The following EGFLAM variants were observed in gnomAD, a reference collection of about 807,000 sequenced individuals.
EGFLAM encodes the protein EGF like, fibronectin type III and laminin G domains.
Under a neutral mutation model 113.1 loss-of-function variants are expected in EGFLAM, and 79 were observed. That is an observed-to-expected ratio of 0.70 (90% confidence interval 0.58 to 0.84). The LOEUF is 0.84. EGFLAM is among the 40% of genes least tolerant of loss of function. The pLI is 0.00. For missense variants in EGFLAM, 1,265 were observed against 1,291.6 expected, an observed-to-expected ratio of 0.98 and a Z score of 0.32; for synonymous variants, 504 against 487.6, an observed-to-expected ratio of 1.03 and a Z score of -0.44.
chr5:38,359,402 C>T (rs577237814), intron 5 of EGFLAM, among the ~76,000 whole-genome samples: 18 of 152,278 alleles, frequency 1.2e-4, no homozygotes, highest in African/African-American at 3.6e-4. Flanking sequence ...ATTGGCCGCG[C>T]GCAGTGGCTC....
intron 3 of EGFLAM, among the ~76,000 whole-genome samples, chr5:38,340,413 A>G (rs1422075806): frequency 6.6e-6 from 1 of 152,210 alleles, no homozygotes; most frequent in African/African-American, 2.4e-5. Flanking sequence ...ATCAACATCT[A>G]GGCATTAGAG....
At chr5:38,366,527 A>G (rs1244635655) in intron 5 of EGFLAM, among the ~76,000 whole-genome samples, 2 of 152,150 alleles carry the variant, frequency 1.3e-5, no homozygotes, top group Non-Finnish European at 2.9e-5. Context: ...GCAGCCACCT[A>G]TGGGGTTTGA....
chr5:38,434,385 C>T (rs1049051087), intron 15 of EGFLAM, among the ~76,000 whole-genome samples: 2 of 152,234 alleles, frequency 1.3e-5, no homozygotes, highest in South Asian at 4.1e-4. Context: ...GCATAAACCC[C>T]TGCAGGGCAG....
chr5:38,331,887 T>G (rs927067582), intron 1 of EGFLAM, among the ~76,000 whole-genome samples: 1 of 152,220 alleles, frequency 6.6e-6, no homozygotes, highest in Non-Finnish European at 1.5e-5. Context: ...CTGCTGTATA[T>G]ATCCATGTGC....
intron 6 of EGFLAM, among the ~76,000 whole-genome samples, chr5:38,379,247 G>A (rs932846793): frequency 5.9e-5 from 9 of 152,074 alleles, no homozygotes; most frequent in African/African-American, 1.9e-4. Flanking sequence ...TGAAATAAAC[G>A]GACAGCAGGC....
chr5:38,336,385 A>C (rs1213643585), intron 1 of EGFLAM, among the ~76,000 whole-genome samples: 1 of 152,180 alleles, frequency 6.6e-6, no homozygotes, highest in Non-Finnish European at 1.5e-5. Flanking sequence ...CATCTTGGCT[A>C]ACACAGTGAA....
chr5:38,366,173 G>A (rs748299336), intron 5 of EGFLAM, among the ~76,000 whole-genome samples: 9 of 152,140 alleles, frequency 5.9e-5, no homozygotes, highest in Non-Finnish European at 7.3e-5. Context: ...CCTGCATCAA[G>A]CGGAGATGGG....
rs902574762 is a variant in EGFLAM, at chr5:38,416,066, TA to T, written c.1495-1993del. Among the ~76,000 whole-genome samples, 11 of 151,580 alleles carry T rather than the reference TA, an allele frequency of 7.3e-5. No individual in the cohort carries two copies. The South Asian group carries it at 2.1e-3, about 29-fold the overall frequency. ...AAGCCATATCATCATGTTTTTTTTTTAAAAAAATAAGTAATTGCAAGAAGCA... is the reference window on the plus strand; with the variant it reads ...AAGCCATATCATCATGTTTTTTTTTTAAAAAATAAGTAATTGCAAGAAGCA... On this transcript the variant is annotated intron_variant, in intron 11 of 21. Coordinates refer to ENST00000322350, the MANE Select transcript of EGFLAM (RefSeq NM_152403.4).
rs56703092 is a variant in EGFLAM, at chr5:38,398,785, G to A, written c.713-7341G>A. 2.8e-3 allele frequency among the ~76,000 whole-genome samples: 420 copies of A among 152,292 alleles called. 2 individuals carry two copies. The highest frequency in any genetic ancestry group is 6.9e-3 in the African/African-American group (285 of 41,568). On this transcript the variant is annotated intron_variant, in intron 6 of 21. Transcript: ENST00000322350. ...CACAGGTCTGACCTGACATTATTCC[G>A]TCTAACCAACCAATTCTTGAACATT...
At chr5:38,388,844 G>A (rs1481649924) in intron 6 of EGFLAM, among the ~76,000 whole-genome samples, 1 of 150,894 alleles carries the variant, frequency 6.6e-6, no homozygotes, top group Non-Finnish European at 1.5e-5. Flanking sequence ...GAGCCTGGGA[G>A]GTCGAGGCTG....
At chr5:38,339,636 T>C (rs1248361113) in intron 3 of EGFLAM, among the ~76,000 whole-genome samples, 1 of 152,178 alleles carries the variant, frequency 6.6e-6, no homozygotes, top group Non-Finnish European at 1.5e-5. Context: ...TCCTATGACC[T>C]CATTTTACTG....
chr5:38,416,962 T>TA (rs1285512651), intron 11 of EGFLAM, among the ~76,000 whole-genome samples: 1 of 152,212 alleles, frequency 6.6e-6, no homozygotes, highest in Non-Finnish European at 1.5e-5. Flanking sequence ...TTCAGAGTCT[T>TA]ACACTCTGAA....
intron 5 of EGFLAM, among the ~76,000 whole-genome samples, chr5:38,363,778 A>G (rs1259031466): frequency 6.6e-6 from 1 of 152,186 alleles, no homozygotes; most frequent in African/African-American, 2.4e-5. Flanking sequence ...TGGACTGTCA[A>G]AGTGGCACAA....
At chr5:38,328,063 C>A (rs776306869) in intron 1 of EGFLAM, among the ~76,000 whole-genome samples, 37 of 152,184 alleles carry the variant, frequency 2.4e-4, no homozygotes, top group Non-Finnish European at 3.8e-4. Context: ...TGTAAAGATA[C>A]ACTCGAGATT....
At chr5:38,452,955 G>A (rs529880240) in intron 19 of EGFLAM, among the ~76,000 whole-genome samples, 25 of 152,202 alleles carry the variant, frequency 1.6e-4, no homozygotes, top group Non-Finnish European at 2.6e-4. Flanking sequence ...GGCCTGTCTC[G>A]TGTAATATCA....
intron 6 of EGFLAM, among the ~76,000 whole-genome samples, chr5:38,371,028 T>G (rs1349382780): frequency 6.6e-6 from 1 of 152,142 alleles, no homozygotes; most frequent in African/African-American, 2.4e-5. Context: ...TTTGTTAAAG[T>G]CAGATTCTGT....
chr5:38,463,130 C>T (rs1743346494), intron 21 of EGFLAM, 119 bp downstream of exon 21: 6 of 944,134 alleles, frequency 6.4e-6, no homozygotes, highest in Admixed American at 2.8e-5. Context: ...TCAGGAAGCC[C>T]TCCAGATATT....
At chr5:38,415,999 A>G (rs56409381) in intron 11 of EGFLAM, among the ~76,000 whole-genome samples, 23,175 of 152,060 alleles carry the variant, frequency 0.15, 1,874 homozygotes, top group East Asian at 0.24. Flanking sequence ...TGGGGATTAT[A>G]GGAGCTACAA....
At chr5:38,331,422 C>T (rs1489674457) in intron 1 of EGFLAM, among the ~76,000 whole-genome samples, 1 of 152,172 alleles carries the variant, frequency 6.6e-6, no homozygotes, top group Non-Finnish European at 1.5e-5. Flanking sequence ...TCTCCTAATA[C>T]CTGGCAACCA....
Sources: gnomAD v4.1 joint callset for allele counts (sites outside exome capture counted in the v4.1 genomes callset) on GRCh38, gnomAD v4.1.1 for gene constraint, MANE v1.5 for transcripts, NCBI Gene and HGNC (gene_info 2026-07-23, HGNC 2026-07-21) for gene names.